Variants in SMG9 observed in about 807,000 individuals in gnomAD.
SMG9 encodes the protein nonsense-mediated mRNA decay factor SMG9.
In SMG9, 55 loss-of-function variants were observed where a neutral mutation model predicts 64.0. The observed-to-expected ratio is 0.86, with a 90% confidence interval of 0.69 to 1.08. The LOEUF (loss-of-function observed/expected upper bound fraction) is 1.08. Among genes scored for constraint, SMG9 ranks in the 50% least tolerant of loss-of-function variants. The probability of loss-of-function intolerance (pLI) is 0.00; values close to 1 mark genes in which losing one functional copy is unlikely to be tolerated. For synonymous variants in SMG9, 244 were observed against 254.8 expected (o/e 0.96, Z 0.41); for missense variants, 554 against 681.3 (o/e 0.81, Z 2.08).
intron 6 of SMG9, among the ~76,000 whole-genome samples, chr19:43,743,742 G>A (rs1968911868): frequency 1.3e-5 from 2 of 152,206 alleles, no homozygotes; most frequent in Admixed American, 1.3e-4. Flanking sequence ...GATGCAGTGG[G>A]CTATGATCGT....
intron 1 of SMG9, among the ~76,000 whole-genome samples, chr19:43,753,352 T>G (rs1969249233): frequency 6.6e-6 from 1 of 152,196 alleles, no homozygotes; most frequent in South Asian, 2.1e-4. Context: ...TAAGTACTTG[T>G]CTTCATGCCT....
rs1969161680 is a variant in SMG9 at position 43,750,509 on chromosome 19, G to C, written c.150+83C>G. 2.7e-6 allele frequency: 4 copies of C among 1,468,182 alleles called. No individual in the cohort carries two copies. In the East Asian group the frequency reaches 9.1e-5, roughly 33 times the overall value. 90.9% of individuals were successfully genotyped at this position (1,468,182 alleles called of 1,614,324 possible). On this transcript the variant is annotated intron_variant, in intron 2 of 13. Coordinates refer to ENST00000270066, the MANE Select transcript of SMG9 (RefSeq NM_019108.4). The stretch of plus-strand genomic sequence containing the variant: ...GGTTTTGTTTACAAATATATCCCCG[G>C]CATCTGGATTAGTGCCTGGCACATG...
In SMG9 at chr19:43,731,265, T is replaced by A; in HGVS notation, c.*331A>T. ...GAGTCAGGGAAGAGGGGCCTGTTGC[T>A]CCTGTCCCTGAAAAAGGAGGTCAAG... On this transcript the variant is annotated 3_prime_UTR_variant, in exon 14 of 14. Transcript: ENST00000270066. The A allele has an allele frequency of 8.9e-7, 1 of 1,125,748 alleles. No individual in the cohort carries two copies. The highest frequency in any genetic ancestry group is 1.6e-5 in the African/African-American group (1 of 61,746). 69.7% of individuals were successfully genotyped at this position (1,125,748 alleles called of 1,614,324 possible).
chr19:43,739,247 T>C (rs748601188), intron 7 of SMG9, among the ~76,000 whole-genome samples: 3 of 152,250 alleles, frequency 2.0e-5, no homozygotes, highest in African/African-American at 4.8e-5. Context: ...ATTGTACTGA[T>C]AATGGTATTA....
Position 43,747,980 on chromosome 19 carries a change from G to C in SMG9, c.223C>G (p.Arg75Gly). The C allele has an allele frequency of 6.2e-7, 1 of 1,614,118 alleles. No homozygotes were observed. Among genetic ancestry groups the C allele is most frequent in the Non-Finnish European group, 8.5e-7 (1 of 1,180,008 alleles). Residue 75 changes from arginine (R) to glycine (G), a missense_variant and splice_region_variant, in exon 3 of 14, where the codon CGG (arginine) becomes GGG (glycine). Transcript: ENST00000270066. ...PIILSKPPAE[R>G]SKQPPPPTAP... Reference sequence around the variant, plus strand: ...CTCCTCCCTCCTTCTCTGCTCACCCGCTCTGCTGGAGGTTTTGAGAGGATG... The same window carrying C: ...CTCCTCCCTCCTTCTCTGCTCACCCCCTCTGCTGGAGGTTTTGAGAGGATG...
chr19:43,744,642 T>C (rs1968944616), intron 6 of SMG9, 130 bp downstream of exon 6: 1 of 588,758 alleles, frequency 1.7e-6, no homozygotes, highest in African/African-American at 1.9e-5. Flanking sequence ...ATGAAGACAC[T>C]GAGGTCTACA....
Position 43,731,198 on chromosome 19 carries a change from A to T in SMG9, c.*398T>A. The T allele has an allele frequency of 9.9e-7, 1 of 1,014,352 alleles. No individual in the cohort carries two copies. The highest frequency in any genetic ancestry group is 1.2e-6 in the Non-Finnish European group (1 of 848,750). The allele number at this position is 1,014,352 out of a possible 1,614,324, so 62.8% of individuals were successfully genotyped here. A position where few individuals can be genotyped will look rare whatever the true frequency, so the allele number is the denominator to read the frequency against. On this transcript the variant is annotated 3_prime_UTR_variant, in exon 14 of 14. Coordinates refer to ENST00000270066, the MANE Select transcript of SMG9 (RefSeq NM_019108.4). ...TGAACCACCAGATCTGTTCCAATAA[A>T]GAGCTCTCCAGACCCTGCCTCACCT...
At chr19:43,751,874 C>T (rs545772334) in intron 1 of SMG9, among the ~76,000 whole-genome samples, 191 of 152,362 alleles carry the variant, frequency 1.3e-3, no homozygotes, top group Admixed American at 2.4e-3. Context: ...ACACATCTAT[C>T]TCTTACTTGC....
At chr19:43,753,713 G>C (rs1393410301) in intron 1 of SMG9, among the ~76,000 whole-genome samples, 1 of 151,796 alleles carries the variant, frequency 6.6e-6, no homozygotes, top group Non-Finnish European at 1.5e-5. Context: ...CGCCAGCCTC[G>C]GTCTCCCAAA....
chr19:43,733,793 C>T, intron 10 of SMG9, 60 bp from the exon 11 acceptor site: 1 of 1,248,166 alleles, frequency 8.0e-7, no homozygotes, highest in Admixed American at 1.8e-5. Context: ...ATGGACTCCC[C>T]TTTCTCACCC....
At position 43,737,640 on chromosome 19, in the gene SMG9, C is replaced by A. The variant is rs1331311543; in HGVS notation, c.952G>T (p.Val318Leu). Reference protein sequence around the residue: ...AAFLFTVCHVVIVVQDWFTDL... With the variant: ...AAFLFTVCHVLIVVQDWFTDL... ...GTGAACCAGTCCTGGACAACAATCA[C>A]CACATGGCAGACCGTGAAAAGGAAG... Residue 318 changes from valine to leucine, a missense_variant, in exon 9 of 14, where the codon GTG (valine) becomes TTG (leucine). Coordinates refer to ENST00000270066, the MANE Select transcript of SMG9 (RefSeq NM_019108.4). 6.2e-7 allele frequency: 1 copy of A among 1,614,032 alleles called. No homozygotes were observed. The highest frequency in any genetic ancestry group is 8.5e-7 in the Non-Finnish European group (1 of 1,179,954).
At chr19:43,753,235 C>T (rs918910341) in intron 1 of SMG9, among the ~76,000 whole-genome samples, 1 of 152,136 alleles carries the variant, frequency 6.6e-6, no homozygotes, top group African/African-American at 2.4e-5. Context: ...CATTCCATAC[C>T]GAAATGACTG....
Position 43,734,395 on chromosome 19 carries a change from G to A in SMG9, c.1096C>T (p.His366Tyr). ...TCCCCAGAAAGCCTCTCACCTAGGT[G>A]GGGGTAGTACTCGGTGCCTTCATCG... ...GSDEGTEYYP[H>Y]LVFLQNKARR... is the part of the protein sequence containing the mutation. The change falls in exon 10 of 14, where the codon CAC becomes TAC. Residue 366 changes from histidine to tyrosine, a missense_variant. Physicochemically the swap from His to Tyr is moderately conservative, Grantham distance 83. Coordinates refer to ENST00000270066, the MANE Select transcript of SMG9 (RefSeq NM_019108.4). The A allele has an allele frequency of 6.4e-7, 1 of 1,553,312 alleles. No individual in the cohort carries two copies. The highest frequency in any genetic ancestry group is 8.7e-7 in the Non-Finnish European group (1 of 1,147,690).
chr19:43,748,123 T>C, intron 2 of SMG9, 71 bp from the exon 3 acceptor site: 2 of 1,508,470 alleles, frequency 1.3e-6, no homozygotes, highest in Non-Finnish European at 1.8e-6. Flanking sequence ...TACCATGAAC[T>C]ATTCTAAATG....
In SMG9 at chr19:43,747,860, G is replaced by A. The variant is rs370551981; in HGVS notation, c.263C>T (p.Pro88Leu). 7.0e-5 allele frequency: 112 copies of A among 1,607,168 alleles called. No homozygotes were observed. The highest frequency in any genetic ancestry group is 1.0e-4 in the South Asian group (9 of 90,064). Reference sequence around the variant, plus strand: ...CTTCTCCAGAGGGGCTGGAGCAGGCGGGGCAGCAGGGGCTGTTGGAGGTGG... The same window carrying A: ...CTTCTCCAGAGGGGCTGGAGCAGGCAGGGCAGCAGGGGCTGTTGGAGGTGG... ...QPPPPTAPAA[P>L]PAPAPLEKPI... Residue 88 changes from proline (P) to leucine (L), a missense_variant, in exon 4 of 14, where the codon CCG becomes CTG. Pro to Leu is a moderately conservative substitution (Grantham distance 98). Transcript: ENST00000270066.
In SMG9 at chr19:43,729,889, C is replaced by T; in HGVS notation, c.*1707G>A. 6.6e-6 allele frequency: 1 copy of T among 152,436 alleles called. No homozygotes were observed. The highest frequency in any genetic ancestry group is 1.5e-5 in the Non-Finnish European group (1 of 68,126). The allele number at this position is 152,436 out of a possible 1,614,324, so 9.4% of individuals were successfully genotyped here. ...TGGAATAATGGCCAGAGAGGGGAGG[C>T]TCCTTGCCTACTACAGTCGGTCAGG... On this transcript the variant is annotated 3_prime_UTR_variant, in exon 14 of 14. Transcript: ENST00000270066.
At position 43,731,785 on chromosome 19, in the gene SMG9, C is replaced by G. The variant is rs1426748742; in HGVS notation, c.1485-111G>C. ...CCCTTTTATGACCTGAGATGTGACT[C>G]TGAGCCTCTTGGAACCCAATCTCCT... On this transcript the variant is annotated intron_variant, in intron 13 of 13. Coordinates refer to ENST00000270066, the MANE Select transcript of SMG9 (RefSeq NM_019108.4). The G allele has an allele frequency of 4.5e-6, 6 of 1,321,354 alleles. No homozygotes were observed. In the East Asian group the frequency reaches 1.5e-4, roughly 32 times the overall value. The allele number at this position is 1,321,354 out of a possible 1,614,324, so 81.9% of individuals were successfully genotyped here.
rs1659576570 is a variant in SMG9, at chr19:43,737,597, C to G, written c.995G>C (p.Arg332Thr). The G allele has an allele frequency of 6.2e-7, 1 of 1,613,024 alleles. No individual in the cohort carries two copies. The highest frequency in any genetic ancestry group is 1.3e-5 in the African/African-American group (1 of 74,922). ...QDWFTDLSLY[R>T]FLQTAEMVKP... is the part of the protein sequence containing the mutation. ...ACCCTCCAACCCCTCAGCTCCTCAC[C>G]TGTAGAGACTGAGGTCTGTGAACCA... Residue 332 changes from arginine to threonine, a missense_variant and splice_region_variant, in exon 9 of 14, where the codon AGG (arginine) becomes ACG (threonine). Arg to Thr is a moderately conservative substitution (Grantham distance 71). Coordinates refer to ENST00000270066, the MANE Select transcript of SMG9 (RefSeq NM_019108.4).
intron 5 of SMG9, 38 bp downstream of exon 5, chr19:43,747,404 A>C (rs180840): frequency 6.3e-7 from 1 of 1,592,404 alleles, no homozygotes; most frequent in Non-Finnish European, 8.6e-7. Flanking sequence ...AGGATGCAGG[A>C]TGTGCGGAAG....
Sources: allele counts gnomAD v4.1 joint callset (sites outside exome capture counted in the v4.1 genomes callset), GRCh38; gene constraint gnomAD v4.1.1; transcripts MANE v1.5; gene names NCBI Gene and HGNC (gene_info 2026-07-23, HGNC 2026-07-21).